The following PDE4D variants were observed in gnomAD, a reference collection of about 807,000 sequenced individuals.
PDE4D encodes the protein phosphodiesterase 4D.
PDE4D carries 24 observed loss-of-function variants against 87.4 expected under a neutral mutation model. The ratio of observed to expected loss-of-function variants is 0.27; its 90% CI spans 0.20 to 0.39. The LOEUF is 0.39. Among genes scored for constraint, PDE4D ranks in the 10% least tolerant of loss-of-function variants. The pLI is 1.00. For missense variants in PDE4D, 714 were observed against 1,041.0 expected, an observed-to-expected ratio of 0.69 and a Z score of 4.32; for synonymous variants, 384 against 383.2, an observed-to-expected ratio of 1.00 and a Z score of -0.02.
At chr5:59,427,552 G>A (rs982823437) in intron 1 of PDE4D, among the ~76,000 whole-genome samples, 3 of 152,050 alleles carry the variant, frequency 2.0e-5, no homozygotes, top group African/African-American at 7.2e-5. Flanking sequence ...CTGTATGAAG[G>A]GCCAGGCTTG....
chr5:59,553,437 C>A (rs1022413177), intron 1 of PDE4D, among the ~76,000 whole-genome samples: 7 of 152,166 alleles, frequency 4.6e-5, no homozygotes, highest in Admixed American at 1.3e-4. Context: ...CCGCAAGTAA[C>A]TTTTCACTTT....
chr5:59,326,287 AT>A (rs1221506712), intron 1 of PDE4D, among the ~76,000 whole-genome samples: 5 of 152,154 alleles, frequency 3.3e-5, no homozygotes, highest in Non-Finnish European at 5.9e-5. Context: ...AAGAAAAAAA[AT>A]GTGTTGAGTC....
At chr5:59,948,287 T>A (rs1197952095) in intron 3 of PDE4D, among the ~76,000 whole-genome samples, 1 of 152,204 alleles carries the variant, frequency 6.6e-6, no homozygotes, top group Admixed American at 6.5e-5. Context: ...TGAATTTACA[T>A]AACAATAAGC....
chr5:60,310,696 C>G (rs1400237217), intron 1 of PDE4D, among the ~76,000 whole-genome samples: 1 of 152,240 alleles, frequency 6.6e-6, no homozygotes, highest in African/African-American at 2.4e-5. Flanking sequence ...TAGTAGTAGT[C>G]AGCAAATCCA....
chr5:60,354,661 G>A (rs556882183), intron 1 of PDE4D, among the ~76,000 whole-genome samples: 1 of 152,264 alleles, frequency 6.6e-6, no homozygotes, highest in Admixed American at 6.5e-5. Context: ...CACAATTGGA[G>A]GTTGGGGCAT....
intron 5 of PDE4D, among the ~76,000 whole-genome samples, chr5:59,097,680 C>T (rs1420495571): frequency 1.3e-5 from 2 of 152,174 alleles, no homozygotes; most frequent in Non-Finnish European, 2.9e-5. Flanking sequence ...CTAACGTGTT[C>T]CTTTTTAGCC....
chr5:60,202,499 T>TTTTTGTTTTAA (rs1358760341), intron 1 of PDE4D, among the ~76,000 whole-genome samples: 9 of 152,164 alleles, frequency 5.9e-5, no homozygotes, highest in Admixed American at 5.2e-4. Flanking sequence ...CAAAAACTTC[T>TTTTTGTTTTAA]ATATATCAAA....
chr5:59,146,464 C>T (rs922764482), intron 5 of PDE4D, among the ~76,000 whole-genome samples: 1 of 151,934 alleles, frequency 6.6e-6, no homozygotes, highest in African/African-American at 2.4e-5. Context: ...GGTGGTACTA[C>T]AGGCAAGGTA....
chr5:59,441,979 A>G lies in PDE4D; in HGVS notation c.456-226011T>C, dbSNP rs568326036. On this transcript the variant is annotated intron_variant, in intron 1 of 14. Transcript: ENST00000340635. The stretch of plus-strand genomic sequence containing the variant: ...ACTTAATAGTATTTTTATCCAATTC[A>G]CACATCCATTATAGCTACCACAAGA... 3.9e-5 allele frequency among the ~76,000 whole-genome samples: 6 copies of G among 152,164 alleles called. No individual in the cohort carries two copies. The South Asian group carries it at 1.2e-3, about 31-fold the overall frequency.
chr5:59,117,482 T>C (rs1773795362), intron 5 of PDE4D, among the ~76,000 whole-genome samples: 1 of 152,196 alleles, frequency 6.6e-6, no homozygotes, highest in South Asian at 2.1e-4. Context: ...TGCATCACGG[T>C]GGGAGTGTTT....
intron 1 of PDE4D, among the ~76,000 whole-genome samples, chr5:59,340,056 A>G (rs1220773765): frequency 6.6e-6 from 1 of 151,562 alleles, no homozygotes; most frequent in Non-Finnish European, 1.5e-5. Context: ...AACAGCCCCT[A>G]TTTGCTAATG....
intron 1 of PDE4D, among the ~76,000 whole-genome samples, chr5:59,707,011 C>T (rs1247707408): frequency 6.6e-6 from 1 of 152,162 alleles, no homozygotes; most frequent in Non-Finnish European, 1.5e-5. Context: ...TATAGCAGAA[C>T]ATCAGCAAGA....
rs183733463 is a variant in PDE4D, at chr5:60,326,106, T to C, written c.-89-140419A>G. 2.8e-3 allele frequency among the ~76,000 whole-genome samples: 430 copies of C among 152,288 alleles called. 2 individuals carry two copies. The highest frequency in any genetic ancestry group is 9.7e-3 in the African/African-American group (402 of 41,590). Reference sequence around the variant, plus strand: ...TGTTGCTTCCAGTTTTAGGCGATTATAAATAAGACTGCTATAAACACTTAC... The same window carrying C: ...TGTTGCTTCCAGTTTTAGGCGATTACAAATAAGACTGCTATAAACACTTAC... On this transcript the variant is annotated intron_variant, in intron 1 of 16. Transcript: ENST00000502484.
intron 1 of PDE4D, among the ~76,000 whole-genome samples, chr5:59,520,579 A>G (rs1181360645): frequency 6.6e-6 from 1 of 152,176 alleles, no homozygotes; most frequent in African/African-American, 2.4e-5. Context: ...AATGGATTTC[A>G]CGTGAAAGAA....
intron 1 of PDE4D, among the ~76,000 whole-genome samples, chr5:59,461,979 G>A (rs1271147703): frequency 6.6e-6 from 1 of 152,016 alleles, no homozygotes; most frequent in Non-Finnish European, 1.5e-5. Flanking sequence ...ACAGATACTG[G>A]CCTATGTGAC....
intron 2 of PDE4D, among the ~76,000 whole-genome samples, chr5:60,132,187 T>C (rs1401242298): frequency 6.6e-6 from 1 of 152,184 alleles, no homozygotes; most frequent in South Asian, 2.1e-4. Context: ...TGAGCACCTA[T>C]TGCATGTAGG....
chr5:59,185,241 C>T lies in PDE4D; in HGVS notation c.706G>A (p.Val236Ile), dbSNP rs1387701505. Residue 236 changes from valine (V) to isoleucine (I), a missense_variant, in exon 4 of 15, where the codon GTA (valine) becomes ATA (isoleucine). Physicochemically the swap from Val to Ile is conservative, Grantham distance 29. Around this residue, in one of 7 missense-constraint regions of PDE4D, gnomAD observed 90 missense variants for 177.6 expected, o/e 0.51. Coordinates refer to ENST00000340635, the MANE Select transcript of PDE4D (RefSeq NM_001104631.2). ...GTTAATGCAGCAAAGTTGTTTCGTA[C>T]AGTTCGCAGACTGGCCAAGACCTAC... The part of the protein sequence containing the change: ...FAQVLASLRT[V>I]RNNFAALTNL... 1 of 1,612,722 alleles carries T rather than the reference C, an allele frequency of 6.2e-7. No homozygotes were observed. Among genetic ancestry groups the T allele is most frequent in the Non-Finnish European group, 8.5e-7 (1 of 1,179,056 alleles).
chr5:59,957,010 A>G (rs1279345226), intron 3 of PDE4D, among the ~76,000 whole-genome samples: 1 of 152,224 alleles, frequency 6.6e-6, no homozygotes, highest in African/African-American at 2.4e-5. Flanking sequence ...GGCATTAAAA[A>G]CAAGACTGGC....
chr5:60,080,222 C>T (rs1371119166), intron 2 of PDE4D, among the ~76,000 whole-genome samples: 1 of 152,160 alleles, frequency 6.6e-6, no homozygotes, highest in African/African-American at 2.4e-5. Context: ...GATTTTTGTA[C>T]ATTGATTCTG....
Sources: allele counts gnomAD v4.1 joint callset (sites outside exome capture counted in the v4.1 genomes callset), GRCh38; gene constraint gnomAD v4.1.1; regional missense constraint gnomAD v4.1.1; transcripts MANE v1.5; gene names NCBI Gene and HGNC (gene_info 2026-07-23, HGNC 2026-07-21).